Variants in GFRAL observed in about 807,000 individuals in gnomAD.
The protein encoded by GFRAL is GDNF family receptor alpha like, also known as GDNF family receptor alpha-like.
In GFRAL, 36 loss-of-function variants were observed where a neutral mutation model predicts 45.4. The observed-to-expected ratio is 0.79, with a 90% CI of 0.61 to 1.05. The LOEUF is 1.05. Ranked by LOEUF, GFRAL falls within the 50% of genes least tolerant of loss-of-function variation. GFRAL has a pLI of 0.00. For missense variants in GFRAL, 507 were observed against 467.5 expected (o/e 1.08, Z -0.78); for synonymous variants, 166 against 154.1 (o/e 1.08, Z -0.57).
At chr6:55,374,214 A>G (rs149521919) in intron 6 of GFRAL, among the ~76,000 whole-genome samples, 2,316 of 152,266 alleles carry the variant, frequency 0.015, 33 homozygotes, top group Non-Finnish European at 0.025. Flanking sequence ...GAACATATCC[A>G]TGCACATATC....
intron 6 of GFRAL, among the ~76,000 whole-genome samples, chr6:55,397,879 A>G (rs1390274946): frequency 1.3e-5 from 2 of 151,590 alleles, no homozygotes; most frequent in Non-Finnish European, 2.9e-5. Context: ...ATAAGATTAT[A>G]ATACCGTATT....
chr6:55,341,768 A>T lies in GFRAL; in HGVS notation c.316+7824A>T, dbSNP rs970133463. Among the ~76,000 whole-genome samples, 3 of 152,110 alleles carry T rather than the reference A, an allele frequency of 2.0e-5. No individual in the cohort carries two copies. The East Asian group carries it at 5.8e-4, about 29-fold the overall frequency. On this transcript the variant is annotated intron_variant, in intron 3 of 8. Transcript: ENST00000340465. ...CGAACCCATTGAAAAGAAGCTAAAA[A>T]CCTTGAAAAAAGATTAGACAATTGG...
At chr6:55,383,469 A>C (rs970909710) in intron 6 of GFRAL, among the ~76,000 whole-genome samples, 1 of 151,820 alleles carries the variant, frequency 6.6e-6, no homozygotes, top group African/African-American at 2.4e-5. Flanking sequence ...TACCTTCTCT[A>C]TGTTTAGGTA....
rs935258421 is a variant in GFRAL, at chr6:55,402,226, C to A, written c.*373C>A. The A allele has an allele frequency of 6.2e-6, 1 of 160,988 alleles. No individual in the cohort carries two copies. The highest frequency in any genetic ancestry group is 2.5e-5 in the African/African-American group (1 of 40,570). The allele number at this position is 160,988 out of a possible 1,614,324, so 10.0% of individuals were successfully genotyped here. On this transcript the variant is annotated 3_prime_UTR_variant, in exon 9 of 9. Coordinates refer to ENST00000340465, the MANE Select transcript of GFRAL (RefSeq NM_207410.2). Reference sequence around the variant, plus strand: ...AACTCCTGACCTCAGGTGATCCACCCACCTCGGCCTCCCAAAGTGCTGGGA... The same window carrying A: ...AACTCCTGACCTCAGGTGATCCACCAACCTCGGCCTCCCAAAGTGCTGGGA...
At chr6:55,386,452 T>G (rs1383997544) in intron 6 of GFRAL, among the ~76,000 whole-genome samples, 2 of 152,134 alleles carry the variant, frequency 1.3e-5, no homozygotes, top group African/African-American at 2.4e-5. Context: ...TGTGTGAGTT[T>G]AAGTGAATGC....
At chr6:55,381,815 G>A (rs1277833540) in intron 6 of GFRAL, among the ~76,000 whole-genome samples, 1 of 151,678 alleles carries the variant, frequency 6.6e-6, no homozygotes, top group Non-Finnish European at 1.5e-5. Context: ...CATTTCCCCT[G>A]CAAAAACTCC....
intron 3 of GFRAL, among the ~76,000 whole-genome samples, chr6:55,338,820 C>A (rs1767923468): frequency 1.3e-5 from 2 of 152,104 alleles, no homozygotes; most frequent in Non-Finnish European, 2.9e-5. Flanking sequence ...AAGAAATCAG[C>A]TATTTATGAA....
intron 5 of GFRAL, among the ~76,000 whole-genome samples, chr6:55,357,586 C>T (rs9475255): frequency 0.16 from 24,638 of 151,488 alleles, 2,283 homozygotes; most frequent in African/African-American, 0.25. Context: ...TTAGAGGTAA[C>T]AGATCATTGG....
At chr6:55,339,989 A>C (rs570613245) in intron 3 of GFRAL, among the ~76,000 whole-genome samples, 46 of 152,182 alleles carry the variant, frequency 3.0e-4, no homozygotes, top group Non-Finnish European at 6.5e-4. Context: ...GCATACAAAA[A>C]CCTTGCACTC....
Position 55,358,894 on chromosome 6 carries a change from C to T in GFRAL, c.708C>T (p.His236=). Residue 236 remains histidine (H), a synonymous_variant, in exon 6 of 9, where the codon CAC becomes CAT. Coordinates refer to ENST00000340465, the MANE Select transcript of GFRAL (RefSeq NM_207410.2). The part of the protein sequence containing the change: ...SCQNDELCRR[H]YRTFQSKCWQ... ...TTCTTCACTCTTTCTCTAGGAGGCA[C>T]TATAGAACATTTCAGTCAAAATGCT... 3.1e-6 allele frequency: 5 copies of T among 1,612,160 alleles called. No individual in the cohort carries two copies. The highest frequency in any genetic ancestry group is 4.2e-6 in the Non-Finnish European group (5 of 1,178,714).
chr6:55,399,086 A>G, intron 6 of GFRAL, 94 bp from the exon 7 acceptor site: 1 of 597,384 alleles, frequency 1.7e-6, no homozygotes, highest in Non-Finnish European at 2.8e-6. Context: ...AATGGAAATA[A>G]ATTGCTGCCT....
chr6:55,355,296 G>A (rs1948781), intron 5 of GFRAL, among the ~76,000 whole-genome samples: 32,547 of 151,560 alleles, frequency 0.21, 3,736 homozygotes, highest in South Asian at 0.29. Flanking sequence ...TGGCTCATGC[G>A]TACCTATGTA....
At chr6:55,341,621 C>T (rs1375104428) in intron 3 of GFRAL, among the ~76,000 whole-genome samples, 2 of 152,112 alleles carry the variant, frequency 1.3e-5, no homozygotes, top group African/African-American at 2.4e-5. Context: ...AGCAACTCTC[C>T]CCCTCCAAAG....
intron 6 of GFRAL, among the ~76,000 whole-genome samples, chr6:55,359,771 T>G (rs1768249064): frequency 6.6e-6 from 1 of 152,016 alleles, no homozygotes; most frequent in Non-Finnish European, 1.5e-5. Flanking sequence ...TGTGTAGCTG[T>G]CTAGTATCTG....
rs749464282 is a variant in GFRAL at position 55,336,229 on chromosome 6, C to A, written c.316+2285C>A. Among the ~76,000 whole-genome samples, 91 of 152,300 alleles carry A rather than the reference C, an allele frequency of 6.0e-4. 1 individual carries two copies. In the Middle Eastern group the frequency reaches 0.01, roughly 17 times the overall value. On this transcript the variant is annotated intron_variant, in intron 3 of 8. Transcript: ENST00000340465. ...AAAGTGCTGGGATTACAGGTGTGAGCCACCGGGCCGGGCCACTTCTTTGTC... is the reference window on the plus strand; with the variant it reads ...AAAGTGCTGGGATTACAGGTGTGAGACACCGGGCCGGGCCACTTCTTTGTC...
At chr6:55,399,089 T>A (rs538680933) in intron 6 of GFRAL, 91 bp from the exon 7 acceptor site, 9 of 599,802 alleles carry the variant, frequency 1.5e-5, no homozygotes, top group East Asian at 1.2e-4. Context: ...GGAAATAAAT[T>A]GCTGCCTTAA....
intron 6 of GFRAL, among the ~76,000 whole-genome samples, chr6:55,368,832 C>G (rs951554796): frequency 6.6e-6 from 1 of 152,178 alleles, no homozygotes; most frequent in Non-Finnish European, 1.5e-5. Context: ...GGGGGAACCA[C>G]TGCTCTCTTC....
chr6:55,364,778 G>T (rs890474136), intron 6 of GFRAL, among the ~76,000 whole-genome samples: 1 of 151,714 alleles, frequency 6.6e-6, no homozygotes, highest in Admixed American at 6.6e-5. Context: ...TGAGGGCTCT[G>T]TTCTGTTCCA....
At chr6:55,328,415 A>G (rs1767792051) in intron 1 of GFRAL, among the ~76,000 whole-genome samples, 1 of 151,950 alleles carries the variant, frequency 6.6e-6, no homozygotes, top group African/African-American at 2.4e-5. Context: ...GCCAGAAAGC[A>G]AAGAAGTTTA....
Sources: allele counts gnomAD v4.1 joint callset (sites outside exome capture counted in the v4.1 genomes callset), GRCh38; gene constraint gnomAD v4.1.1; transcripts MANE v1.5; gene names NCBI Gene and HGNC (gene_info 2026-07-23, HGNC 2026-07-21).